The following TACR3 variants were observed in gnomAD, a reference collection of about 807,000 sequenced individuals.
TACR3 encodes tachykinin receptor 3.
TACR3 carries 34 observed loss-of-function variants against 35.0 expected under a neutral mutation model. The observed-to-expected ratio is 0.97, with a 90% CI of 0.74 to 1.30. TACR3 has a LOEUF of 1.30. Among genes scored for constraint, TACR3 ranks in the 50% most tolerant of loss-of-function variants. The pLI, the probability that TACR3 is intolerant of heterozygous loss-of-function variation, is 0.00. For missense variants in TACR3, 558 were observed against 591.7 expected, an observed-to-expected ratio of 0.94 and a Z score of 0.59; for synonymous variants, 233 against 221.1, an observed-to-expected ratio of 1.05 and a Z score of -0.48.
chr4:103,589,672 G>C lies in TACR3; in HGVS notation c.*10C>G. The C allele has an allele frequency of 6.2e-7, 1 of 1,613,678 alleles. No homozygotes were observed. Among genetic ancestry groups the C allele is most frequent in the African/African-American group, 1.3e-5 (1 of 75,012 alleles). On this transcript the variant is annotated 3_prime_UTR_variant, in exon 5 of 5. Coordinates refer to ENST00000304883, the MANE Select transcript of TACR3 (RefSeq NM_001059.3). ...GGTCTCACACTAATCTTTTACCTCA[G>C]GAAATGGAATTAAGAATATTCATCC...
chr4:103,607,672 A>G (rs1724412279), intron 3 of TACR3, among the ~76,000 whole-genome samples: 1 of 152,134 alleles, frequency 6.6e-6, no homozygotes, highest in Admixed American at 6.6e-5. Context: ...TTGACTTCAA[A>G]TATACATTTT....
Position 103,606,729 on chromosome 4 carries a change from A to G in TACR3, c.889-15046T>C, listed in dbSNP as rs574038015. On this transcript the variant is annotated intron_variant, in intron 3 of 4. Transcript: ENST00000304883. ...GCTTAAGGAGATTTTGGGCTGAGAC[A>G]GTGGGGTTTTCTAGATATACAATCA... 2.2e-4 allele frequency among the ~76,000 whole-genome samples: 34 copies of G among 152,186 alleles called. No individual in the cohort carries two copies. The South Asian group carries it at 6.8e-3, about 31-fold the overall frequency.
At chr4:103,668,724 C>T (rs944084663) in intron 1 of TACR3, among the ~76,000 whole-genome samples, 1 of 151,686 alleles carries the variant, frequency 6.6e-6, no homozygotes, top group Non-Finnish European at 1.5e-5. Context: ...TGACATGCAC[C>T]TGTAATCCCA....
At chr4:103,656,890 GA>G (rs1725744164) in intron 2 of TACR3, among the ~76,000 whole-genome samples, 1 of 151,914 alleles carries the variant, frequency 6.6e-6, no homozygotes, top group Non-Finnish European at 1.5e-5. Context: ...ATCAGGTAAA[GA>G]CATTTACATG....
chr4:103,654,462 C>T (rs915031752), intron 3 of TACR3, among the ~76,000 whole-genome samples: 13 of 146,102 alleles, frequency 8.9e-5, no homozygotes, highest in East Asian at 2.1e-4. Flanking sequence ...ATCCACACAC[C>T]GCATGTTCTC....
chr4:103,695,161 AC>A (rs1722493929), intron 1 of TACR3, among the ~76,000 whole-genome samples: 1 of 152,152 alleles, frequency 6.6e-6, no homozygotes, highest in Non-Finnish European at 1.5e-5. Flanking sequence ...TAACTGGTAT[AC>A]TTTTACCGTT....
At chr4:103,692,314 A>G (rs969904181) in intron 1 of TACR3, among the ~76,000 whole-genome samples, 4 of 152,196 alleles carry the variant, frequency 2.6e-5, no homozygotes, top group African/African-American at 9.6e-5. Context: ...GTATTATTAA[A>G]TATAAAGAAG....
chr4:103,698,536 C>CTTTTTTTT (rs1722577358), intron 1 of TACR3, among the ~76,000 whole-genome samples: 1 of 148,336 alleles, frequency 6.7e-6, no homozygotes, highest in Admixed American at 6.7e-5. Context: ...AGGATATTTT[C>CTTTTTTTT]TTTTCTTTTT....
intron 3 of TACR3, among the ~76,000 whole-genome samples, chr4:103,592,823 C>T (rs1436971676): frequency 6.6e-6 from 1 of 152,076 alleles, no homozygotes; most frequent in Non-Finnish European, 1.5e-5. Flanking sequence ...AAGGTTTAGT[C>T]AGGAGAGACA....
intron 1 of TACR3, among the ~76,000 whole-genome samples, chr4:103,684,666 C>T (rs1351541029): frequency 6.6e-6 from 1 of 151,932 alleles, no homozygotes; most frequent in Non-Finnish European, 1.5e-5. Context: ...ATTAAAAACT[C>T]CAGTAAGATT....
intron 2 of TACR3, 55 bp from the exon 3 acceptor site, chr4:103,656,399 G>T: frequency 6.4e-7 from 1 of 1,550,674 alleles, no homozygotes; most frequent in Non-Finnish European, 8.9e-7. Flanking sequence ...GAAATATTGG[G>T]GACTGAATTG....
chr4:103,685,594 T>A (rs1722209944), intron 1 of TACR3, among the ~76,000 whole-genome samples: 1 of 152,120 alleles, frequency 6.6e-6, no homozygotes, highest in Non-Finnish European at 1.5e-5. Flanking sequence ...TGGGAGATAT[T>A]TGCAAATCAC....
intron 1 of TACR3, among the ~76,000 whole-genome samples, chr4:103,713,254 A>G (rs2110232428): frequency 6.6e-6 from 1 of 152,256 alleles, no homozygotes; most frequent in Non-Finnish European, 1.5e-5. Flanking sequence ...GACTGGATTA[A>G]GAAAATGTGG....
At chr4:103,692,016 C>CTG (rs1273648199) in intron 1 of TACR3, among the ~76,000 whole-genome samples, 8 of 152,158 alleles carry the variant, frequency 5.3e-5, no homozygotes, top group Admixed American at 2.6e-4. Flanking sequence ...CTCTATATTT[C>CTG]TGTGTGTGTG....
At chr4:103,598,439 C>T (rs1280840063) in intron 3 of TACR3, among the ~76,000 whole-genome samples, 2 of 152,202 alleles carry the variant, frequency 1.3e-5, no homozygotes, top group African/African-American at 2.4e-5. Context: ...TTTTGCTGTG[C>T]AGAAGCTCTT....
chr4:103,625,959 C>A (rs1724882975), intron 3 of TACR3, among the ~76,000 whole-genome samples: 1 of 152,110 alleles, frequency 6.6e-6, no homozygotes, highest in Admixed American at 6.5e-5. Flanking sequence ...ATGAAGATCC[C>A]AGAGGGATGG....
intron 3 of TACR3, among the ~76,000 whole-genome samples, chr4:103,599,807 C>A (rs998502294): frequency 1.7e-4 from 26 of 152,016 alleles, no homozygotes; most frequent in Non-Finnish European, 2.8e-4. Flanking sequence ...GATGAAGCCC[C>A]CTTGATCATG....
Position 103,589,707 on chromosome 4 carries a change from TAG to T in TACR3, c.1371_1372del (p.Thr459LeufsTer4). 6.2e-7 allele frequency: 1 copy of T among 1,613,926 alleles called. No homozygotes were observed. Among genetic ancestry groups the T allele is most frequent in the Non-Finnish European group, 8.5e-7 (1 of 1,179,856 alleles). Reference sequence around the variant, plus strand: ...TTAAGAATATTCATCCACAGAGGTATAGGGTGAGCTTATGAAACTTGAAGTGG... The same window carrying T: ...TTAAGAATATTCATCCACAGAGGTATGGTGAGCTTATGAAACTTGAAGTGG... On this transcript the variant is annotated frameshift_variant, in exon 5 of 5. Transcript: ENST00000304883. LOFTEE classifies it high-confidence loss of function.
Position 103,588,915 on chromosome 4 carries a change from GA to G in TACR3, c.*766del, listed in dbSNP as rs1723832604. On this transcript the variant is annotated 3_prime_UTR_variant, in exon 5 of 5. Transcript: ENST00000304883. ...ATCTGTGAAAAATAAAAAATGATAG[GA>G]ATTTTCTTCATATTTTTAGGGTCTT... The G allele has an allele frequency of 6.6e-6, 1 of 151,878 alleles. No individual in the cohort carries two copies. Among genetic ancestry groups the G allele is most frequent in the Non-Finnish European group, 1.5e-5 (1 of 67,932 alleles). The allele number at this position is 151,878 out of a possible 1,614,324, so 9.4% of individuals were successfully genotyped here.
Sources: allele counts gnomAD v4.1 joint callset (sites outside exome capture counted in the v4.1 genomes callset), GRCh38; gene constraint gnomAD v4.1.1; transcripts MANE v1.5; gene names NCBI Gene and HGNC (gene_info 2026-07-23, HGNC 2026-07-21).